SCMH1: variants seen among roughly 807,000 people sequenced by gnomAD.
SCMH1 encodes polycomb protein SCMH1.
SCMH1 carries 37 observed loss-of-function variants against 70.8 expected under a neutral mutation model. The observed-to-expected ratio is 0.52, with a 90% CI of 0.40 to 0.69. The LOEUF is 0.69. Ranked by LOEUF, SCMH1 falls within the 30% of genes least tolerant of loss-of-function variation. The probability of loss-of-function intolerance (pLI) is 0.00; values close to 1 mark genes in which losing one functional copy is unlikely to be tolerated. For synonymous variants in SCMH1, 292 were observed against 307.4 expected, an observed-to-expected ratio of 0.95 and a Z score of 0.52; for missense variants, 607 against 827.3, an observed-to-expected ratio of 0.73 and a Z score of 3.27.
intron 10 of SCMH1, among the ~76,000 whole-genome samples, chr1:41,061,380 G>A (rs1652587446): frequency 6.6e-6 from 1 of 152,126 alleles, no homozygotes; most frequent in African/African-American, 2.4e-5. Context: ...AAGTAAATGA[G>A]TAAAGAAAGA....
chr1:41,211,342 A>C (rs1656980658), intron 1 of SCMH1, among the ~76,000 whole-genome samples: 1 of 152,230 alleles, frequency 6.6e-6, no homozygotes, highest in Non-Finnish European at 1.5e-5. Flanking sequence ...CAACCCCATC[A>C]AAAAGTGGGC....
intron 9 of SCMH1, among the ~76,000 whole-genome samples, chr1:41,071,536 G>A (rs1164393507): frequency 2.0e-5 from 3 of 152,044 alleles, no homozygotes; most frequent in African/African-American, 7.2e-5. Flanking sequence ...TTTTAATGAA[G>A]CATGCAGTAT....
At chr1:41,149,725 CA>C (rs1213856808) in intron 5 of SCMH1, among the ~76,000 whole-genome samples, 1 of 152,214 alleles carries the variant, frequency 6.6e-6, no homozygotes, top group Non-Finnish European at 1.5e-5. Flanking sequence ...AATTATTTTC[CA>C]ATATGAGCAA....
chr1:41,112,863 C>T (rs1669572357), intron 8 of SCMH1, among the ~76,000 whole-genome samples: 1 of 152,188 alleles, frequency 6.6e-6, no homozygotes, highest in African/African-American at 2.4e-5. Flanking sequence ...TGTTCTTTTT[C>T]CATCCTGCTA....
chr1:41,070,565 T>G, intron 10 of SCMH1, 30 bp downstream of exon 10: 1 of 1,613,678 alleles, frequency 6.2e-7, no homozygotes, highest in South Asian at 1.1e-5. Context: ...CTGGGGCTTG[T>G]GCGCAGGTAG....
Position 41,028,584 on chromosome 1 carries a change from G to A in SCMH1, c.1821C>T (p.His607=), listed in dbSNP as rs200250307. 9 of 1,614,128 alleles carry A rather than the reference G, an allele frequency of 5.6e-6. No individual in the cohort carries two copies. In the African/African-American group the frequency reaches 6.7e-5, roughly 12 times the overall value. Residue 607 remains histidine, a splice_region_variant and synonymous_variant, in exon 14 of 15, where the codon CAC becomes CAT. Transcript: ENST00000337495. Reference sequence around the variant, plus strand: ...TGAGAGGTCAGGCAGCAGCACCTACGTGTTTGCGAAACAGGTCAGCGTGGG... The same window carrying A: ...TGAGAGGTCAGGCAGCAGCACCTACATGTTTGCGAAACAGGTCAGCGTGGG...
chr1:41,213,308 G>A (rs1657429954), intron 1 of SCMH1, among the ~76,000 whole-genome samples: 1 of 152,100 alleles, frequency 6.6e-6, no homozygotes, highest in African/African-American at 2.4e-5. Flanking sequence ...TTTAGCTTGT[G>A]GCTATAATGT....
intron 10 of SCMH1, among the ~76,000 whole-genome samples, chr1:41,063,871 T>C (rs1429387221): frequency 6.6e-6 from 1 of 152,256 alleles, no homozygotes; most frequent in African/African-American, 2.4e-5. Context: ...GATAGGTTCA[T>C]TCGTGAATTC....
intron 2 of SCMH1, among the ~76,000 whole-genome samples, chr1:41,172,554 T>A (rs967918238): frequency 4.0e-5 from 6 of 151,844 alleles, no homozygotes; most frequent in Non-Finnish European, 7.4e-5. Context: ...AAAATACCAA[T>A]GACATTCTTC....
intron 12 of SCMH1, among the ~76,000 whole-genome samples, chr1:41,044,153 T>C (rs1213176701): frequency 1.3e-5 from 2 of 152,074 alleles, no homozygotes; most frequent in Non-Finnish European, 2.9e-5. Context: ...CGGAAGTGCA[T>C]GGTCAGTTGG....
chr1:41,211,699 A>G (rs1003428646), intron 1 of SCMH1, among the ~76,000 whole-genome samples: 1 of 152,220 alleles, frequency 6.6e-6, no homozygotes, highest in Non-Finnish European at 1.5e-5. Context: ...TCATGCTACT[A>G]TAAAGACACA....
intron 8 of SCMH1, among the ~76,000 whole-genome samples, chr1:41,084,319 C>T (rs180753293): frequency 5.3e-5 from 8 of 152,146 alleles, no homozygotes; most frequent in East Asian, 3.9e-4. Flanking sequence ...GGGCGAAGGA[C>T]ATGAACAGAC....
At chr1:41,047,955 TA>T in intron 11 of SCMH1, among the ~76,000 whole-genome samples, 1 of 152,338 alleles carries the variant, frequency 6.6e-6, no homozygotes, top group Non-Finnish European at 1.5e-5. Flanking sequence ...TTTGCTAAAA[TA>T]ATACAGTCTG....
chr1:41,161,992 T>C (rs1646072376), intron 2 of SCMH1, among the ~76,000 whole-genome samples: 2 of 152,200 alleles, frequency 1.3e-5, no homozygotes, highest in Admixed American at 6.5e-5. Flanking sequence ...TGGGAATGCA[T>C]GCTCCATGGA....
chr1:41,092,305 A>G (rs1426234325), intron 8 of SCMH1, among the ~76,000 whole-genome samples: 2 of 152,206 alleles, frequency 1.3e-5, no homozygotes, highest in Non-Finnish European at 2.9e-5. Flanking sequence ...GGTGCTGGGA[A>G]AACTGGCTGG....
At chr1:41,028,698 A>G (rs1644078731) in exon 14 of SCMH1, 1 of 1,614,126 alleles carries the variant, frequency 6.2e-7, no homozygotes, top group South Asian at 1.1e-5. Context: ...GTCGAGAGGC[A>G]TCGCGGCTCT....
intron 5 of SCMH1, among the ~76,000 whole-genome samples, chr1:41,144,225 A>G (rs911015506): frequency 2.1e-4 from 32 of 152,212 alleles, no homozygotes; most frequent in Non-Finnish European, 4.0e-4. Flanking sequence ...AATCCCCTCA[A>G]AATGAACCCC....
chr1:41,059,010 G>C (rs1651622579), intron 10 of SCMH1, among the ~76,000 whole-genome samples: 1 of 152,164 alleles, frequency 6.6e-6, no homozygotes, highest in Admixed American at 6.5e-5. Flanking sequence ...GAGTTTACTT[G>C]TGAATGATCT....
intron 4 of SCMH1, among the ~76,000 whole-genome samples, chr1:41,157,282 A>C (rs952807310): frequency 1.3e-5 from 2 of 152,178 alleles, no homozygotes; most frequent in Non-Finnish European, 2.9e-5. Flanking sequence ...ATAAAATACT[A>C]TTATAATTTT....
Sources: gnomAD v4.1 joint callset for allele counts (sites outside exome capture counted in the v4.1 genomes callset) on GRCh38, gnomAD v4.1.1 for gene constraint, MANE v1.5 for transcripts, NCBI Gene and HGNC (gene_info 2026-07-23, HGNC 2026-07-21) for gene names.